The following CDH13 variants were observed in gnomAD, a reference collection of about 807,000 sequenced individuals.
The protein encoded by CDH13 is cadherin 13.
In CDH13, 24 loss-of-function variants were observed where a neutral mutation model predicts 63.8. That is an observed-to-expected ratio of 0.38 (90% confidence interval 0.27 to 0.53). CDH13 has a LOEUF of 0.53. Ranked by LOEUF, CDH13 falls within the 20% of genes least tolerant of loss-of-function variation. The pLI is 0.85. For missense variants in CDH13, 1,049 were observed against 903.1 expected (o/e 1.16, Z -2.07); for synonymous variants, 503 against 355.3 (o/e 1.42, Z -4.67).
chr16:83,451,540 G>C (rs2072887038), intron 6 of CDH13, among the ~76,000 whole-genome samples: 1 of 152,072 alleles, frequency 6.6e-6, no homozygotes, highest in African/African-American at 2.4e-5. Flanking sequence ...GCTTTTTTGA[G>C]ACAGGCTCTT....
chr16:83,407,721 C>G (rs1469729630), intron 6 of CDH13, among the ~76,000 whole-genome samples: 3 of 152,018 alleles, frequency 2.0e-5, no homozygotes, highest in Non-Finnish European at 4.4e-5. Context: ...ATTTTGGAAA[C>G]CTTCCCTCCT....
intron 10 of CDH13, chr16:83,735,733 T>A (rs1254681426): frequency 6.6e-6 from 1 of 152,172 alleles, no homozygotes; most frequent in South Asian, 2.1e-4. Context: ...ATCTTTGGGA[T>A]GGTTTTGTCA....
In CDH13 at chr16:83,194,809, G is replaced by A. The variant is rs140692649; in HGVS notation, c.484-22536G>A. ...CGGGTCTGTGGCAACACTTTGTGAC[G>A]GCCAGGCCTGGGTGGCTATTACGGT... On this transcript the variant is annotated intron_variant, in intron 4 of 13. Transcript: ENST00000567109. Among the ~76,000 whole-genome samples, 524 of 152,262 alleles carry A rather than the reference G, an allele frequency of 3.4e-3. 1 individual carries two copies. Among genetic ancestry groups the A allele is most frequent in the Middle Eastern group, 0.01 (3 of 294 alleles).
At chr16:83,668,033 G>A (rs1215329726) in intron 8 of CDH13, among the ~76,000 whole-genome samples, 1 of 152,090 alleles carries the variant, frequency 6.6e-6, no homozygotes, top group Non-Finnish European at 1.5e-5. Context: ...AAGGTGACTG[G>A]GGTCCACCAG....
intron 6 of CDH13, among the ~76,000 whole-genome samples, chr16:83,420,598 G>A (rs920558978): frequency 6.6e-6 from 1 of 152,122 alleles, no homozygotes; most frequent in Non-Finnish European, 1.5e-5. Flanking sequence ...ATTGTATTAC[G>A]GTTCTGCAGA....
chr16:83,495,639 T>A (rs2074120726), intron 7 of CDH13, among the ~76,000 whole-genome samples: 1 of 152,186 alleles, frequency 6.6e-6, no homozygotes, highest in East Asian at 1.9e-4. Flanking sequence ...AGAAACATAT[T>A]TGGGGTTAAA....
chr16:83,369,762 C>T (rs1470281311), intron 6 of CDH13, among the ~76,000 whole-genome samples: 1 of 152,068 alleles, frequency 6.6e-6, no homozygotes, highest in Admixed American at 6.5e-5. Flanking sequence ...CATCTGTAGA[C>T]CCCACTCCTC....
intron 3 of CDH13, among the ~76,000 whole-genome samples, chr16:83,061,149 A>C (rs1415074181): frequency 6.6e-6 from 1 of 152,204 alleles, no homozygotes; most frequent in Non-Finnish European, 1.5e-5. Flanking sequence ...GTTGCACAGC[A>C]CAGTGGAGGA....
chr16:83,054,633 G>T (rs192126292), intron 3 of CDH13, among the ~76,000 whole-genome samples: 1 of 152,064 alleles, frequency 6.6e-6, no homozygotes, highest in Admixed American at 6.6e-5. Flanking sequence ...ATTGACTATA[G>T]GTAACTAAAA....
At chr16:82,796,954 G>A (rs1193226763) in intron 1 of CDH13, among the ~76,000 whole-genome samples, 1 of 152,164 alleles carries the variant, frequency 6.6e-6, no homozygotes, top group Non-Finnish European at 1.5e-5. Flanking sequence ...CTTACAACTA[G>A]ACTGAATGCC....
intron 7 of CDH13, among the ~76,000 whole-genome samples, chr16:83,494,664 T>G (rs565068632): frequency 6.6e-6 from 1 of 152,304 alleles, no homozygotes; most frequent in South Asian, 2.1e-4. Context: ...GCAATATGAT[T>G]CCACTGGAAA....
chr16:83,590,988 G>T (rs532300494), intron 7 of CDH13, among the ~76,000 whole-genome samples: 1 of 137,000 alleles, frequency 7.3e-6, no homozygotes, highest in Non-Finnish European at 1.5e-5. Flanking sequence ...TTAGCACACC[G>T]CAATCTCCAC....
chr16:83,771,456 G>C (rs578074225), intron 11 of CDH13, among the ~76,000 whole-genome samples: 11 of 152,258 alleles, frequency 7.2e-5, no homozygotes, highest in Non-Finnish European at 7.4e-5. Context: ...GTGCTGAGTG[G>C]GAACGACAAA....
chr16:82,855,197 AT>A (rs201265432), intron 1 of CDH13, among the ~76,000 whole-genome samples: 3 of 151,980 alleles, frequency 2.0e-5, no homozygotes, highest in South Asian at 2.1e-4. Context: ...AGGTTTATTT[AT>A]TTTTTTTATT....
chr16:83,616,680 G>A lies in CDH13; in HGVS notation c.1101+14086G>A, dbSNP rs114935577. On this transcript the variant is annotated intron_variant, in intron 8 of 13. Transcript: ENST00000567109. ...ATGCAGTGTGCAGAATGAGAACACA[G>A]GAGTTCAGAAATAGAAAGCCAAGAG... Among the ~76,000 whole-genome samples, 946 of 152,232 alleles carry A rather than the reference G, an allele frequency of 6.2e-3. 6 individuals are homozygous for A. Among genetic ancestry groups the A allele is most frequent in the African/African-American group, 0.021 (877 of 41,530 alleles).
At chr16:82,716,088 T>G (rs1049054316) in intron 1 of CDH13, among the ~76,000 whole-genome samples, 1 of 152,174 alleles carries the variant, frequency 6.6e-6, no homozygotes, top group Non-Finnish European at 1.5e-5. Context: ...AGATGAGTCC[T>G]TAGGACACAG....
At chr16:82,860,712 A>G (rs905488011) in intron 2 of CDH13, among the ~76,000 whole-genome samples, 2 of 152,138 alleles carry the variant, frequency 1.3e-5, no homozygotes, top group Non-Finnish European at 2.9e-5. Context: ...TGAACATATT[A>G]TGAGTATAGA....
chr16:83,212,261 T>G (rs1001255470), intron 4 of CDH13, among the ~76,000 whole-genome samples: 1 of 151,950 alleles, frequency 6.6e-6, no homozygotes, highest in East Asian at 1.9e-4. Flanking sequence ...ATACCTCCCA[T>G]CCCCCAGTTC....
At chr16:83,387,930 T>G (rs907247756) in intron 6 of CDH13, among the ~76,000 whole-genome samples, 1 of 152,166 alleles carries the variant, frequency 6.6e-6, no homozygotes, top group Non-Finnish European at 1.5e-5. Context: ...ATTCAAGAAT[T>G]TCTGTAGTGC....
Sources: gnomAD v4.1 joint callset for allele counts (sites outside exome capture counted in the v4.1 genomes callset) on GRCh38, gnomAD v4.1.1 for gene constraint, MANE v1.5 for transcripts, NCBI Gene and HGNC (gene_info 2026-07-23, HGNC 2026-07-21) for gene names.